The following ATP11C variants were observed in gnomAD, a reference collection of about 807,000 sequenced individuals.
ATP11C encodes ATPase phospholipid transporting 11C (ATP11C blood group), also known as phospholipid-transporting ATPase IG.
ATP11C carries 36 observed loss-of-function variants against 97.4 expected under a neutral mutation model. The observed-to-expected ratio is 0.37, with a 90% CI of 0.28 to 0.49. ATP11C has a LOEUF of 0.49. ATP11C is among the 20% of genes least tolerant of loss of function. ATP11C has a pLI of 0.98. For missense variants in ATP11C, 730 were observed against 824.6 expected (o/e 0.89, Z 1.40); for synonymous variants, 275 against 290.9 (o/e 0.95, Z 0.56).
At chrX:139,798,217 C>G in intron 10 of ATP11C, 56 bp downstream of exon 10, 1 of 1,034,069 alleles carries the variant, frequency 9.7e-7, no homozygotes. Context: ...TTGGAATTAC[C>G]AAGAAAGTAA....
At chrX:139,742,908 T>C (rs1425544887) in intron 26 of ATP11C, among the ~76,000 whole-genome samples, 1 of 77,756 alleles carries the variant, frequency 1.3e-5, no homozygotes, top group African/African-American at 5.0e-5. Context: ...TATATATATA[T>C]ATATAAAAAT....
At chrX:139,917,336 G>A (rs1219559851) in intron 1 of ATP11C, among the ~76,000 whole-genome samples, 5 of 111,777 alleles carry the variant, frequency 4.5e-5, no homozygotes, top group African/African-American at 1.6e-4. Context: ...CAAATGATGA[G>A]ACTACATCAA....
At chrX:139,749,692 A>G (rs1021002695) in intron 24 of ATP11C, among the ~76,000 whole-genome samples, 2 of 112,288 alleles carry the variant, frequency 1.8e-5, no homozygotes, top group East Asian at 5.6e-4. Flanking sequence ...ATTCTAAACT[A>G]CAGAAGATCT....
At chrX:139,871,112 T>C (rs760092370) in intron 1 of ATP11C, among the ~76,000 whole-genome samples, 2 of 108,071 alleles carry the variant, frequency 1.9e-5, no homozygotes, top group African/African-American at 6.7e-5. Flanking sequence ...TATGTGTGTG[T>C]GTGTACTTAG....
intron 1 of ATP11C, chrX:139,924,038 T>G: frequency 3.2e-6 from 1 of 315,971 alleles, no homozygotes. Context: ...CCAAAAGGTA[T>G]AGAATGGGAT....
intron 28 of ATP11C, among the ~76,000 whole-genome samples, chrX:139,735,632 A>G (rs1194663469): frequency 1.8e-5 from 2 of 111,954 alleles, no homozygotes; most frequent in African/African-American, 3.2e-5. Context: ...TTATCTTAGA[A>G]GTTGGCCTCC....
intron 1 of ATP11C, among the ~76,000 whole-genome samples, chrX:139,863,529 C>T (rs2084235790): frequency 9.1e-6 from 1 of 110,223 alleles, no homozygotes; most frequent in Non-Finnish European, 1.9e-5. Context: ...GGAGACTCTG[C>T]CTCAAAATTA....
At chrX:139,790,130 A>G (rs748632694) in intron 12 of ATP11C, among the ~76,000 whole-genome samples, 1 of 110,976 alleles carries the variant, frequency 9.0e-6, no homozygotes, top group East Asian at 2.8e-4. Context: ...CTCAGGCTGG[A>G]ATGCAGTAGC....
chrX:139,728,997 T>C, intron 29 of ATP11C, 35 bp from the exon 30 acceptor site: 1 of 1,038,756 alleles, frequency 9.6e-7, no homozygotes, highest in Non-Finnish European at 1.3e-6. Context: ...TTAAAAGGCT[T>C]ATTTTAATAA....
chrX:139,881,302 G>A (rs1441006341), intron 1 of ATP11C, among the ~76,000 whole-genome samples: 2 of 111,360 alleles, frequency 1.8e-5, no homozygotes, highest in East Asian at 5.6e-4. Flanking sequence ...CTTGGGCCTG[G>A]GCTAAAAGGA....
At chrX:139,900,985 T>C (rs1420453518) in intron 1 of ATP11C, among the ~76,000 whole-genome samples, 2 of 111,957 alleles carry the variant, frequency 1.8e-5, no homozygotes, top group Non-Finnish European at 3.8e-5. Flanking sequence ...CCATCCTGTT[T>C]GGAAGGCTGC....
chrX:139,861,573 C>A (rs2084196508), intron 1 of ATP11C, among the ~76,000 whole-genome samples: 1 of 110,790 alleles, frequency 9.0e-6, no homozygotes, highest in African/African-American at 3.3e-5. Context: ...TATTAATTTC[C>A]CCATTTTACA....
intron 1 of ATP11C, among the ~76,000 whole-genome samples, chrX:139,855,087 CTAATA>C (rs1324456470): frequency 9.0e-6 from 1 of 111,572 alleles, no homozygotes; most frequent in Non-Finnish European, 1.9e-5. Context: ...TAATAACACA[CTAATA>C]TAAAGGTGAA....
In ATP11C at chrX:139,860,437, T is replaced by C. The variant is rs1217558634; in HGVS notation, c.28-33614A>G. Among the ~76,000 whole-genome samples the C allele has an allele frequency of 8.0e-5, 9 of 112,324 alleles. No homozygotes were observed. The East Asian group carries it at 2.2e-3, about 28-fold the overall frequency. On this transcript the variant is annotated intron_variant, in intron 1 of 29. Transcript: ENST00000682941. Reference sequence around the variant, plus strand: ...GAAGAAAAGCACGGATATCTAATTTTACAAAGCAGAATATTTTCAAATGCC... The same window carrying C: ...GAAGAAAAGCACGGATATCTAATTTCACAAAGCAGAATATTTTCAAATGCC...
At chrX:139,935,861 G>A (rs950249324), upstream of ATP11C, among the ~76,000 whole-genome samples, 1 of 110,862 alleles carries the variant, frequency 9.0e-6, no homozygotes, top group Admixed American at 9.6e-5. Flanking sequence ...GTGGTGGCAC[G>A]CACCTGTAAT....
intron 1 of ATP11C, among the ~76,000 whole-genome samples, chrX:139,877,607 C>T (rs17282039): frequency 0.05 from 5,602 of 111,725 alleles, 241 homozygotes; most frequent in East Asian, 0.29. Context: ...AATTGACTTG[C>T]GTCCCAGTGC....
chrX:139,743,350 C>T (rs1046928570), intron 26 of ATP11C, among the ~76,000 whole-genome samples: 1 of 110,165 alleles, frequency 9.1e-6, no homozygotes, highest in East Asian at 2.9e-4. Context: ...AAGAGGATTA[C>T]GATATACTGG....
Position 139,728,807 on chromosome X carries a change from T to C in ATP11C, c.*159A>G. ...ATTTGGTATTTTAATGAACATTTATTGTGAACTCTAGACATGAGAGTGGTT... is the reference window on the plus strand; with the variant it reads ...ATTTGGTATTTTAATGAACATTTATCGTGAACTCTAGACATGAGAGTGGTT... On this transcript the variant is annotated 3_prime_UTR_variant, in exon 30 of 30. Transcript: ENST00000682941. The C allele has an allele frequency of 1.6e-6, 1 of 623,831 alleles. No individual in the cohort carries two copies. Among genetic ancestry groups the C allele is most frequent in the Non-Finnish European group, 2.5e-6 (1 of 397,046 alleles). The allele number at this position is 623,831 out of a possible 1,213,427, so 51.4% of individuals were successfully genotyped here. A position where few individuals can be genotyped will look rare whatever the true frequency, so the allele number is the denominator to read the frequency against.
intron 12 of ATP11C, among the ~76,000 whole-genome samples, chrX:139,793,426 C>T (rs1471771650): frequency 9.2e-6 from 1 of 108,524 alleles, no homozygotes; most frequent in African/African-American, 3.3e-5. Flanking sequence ...AATATAATTT[C>T]TAAAAAAAGA....
Sources: gnomAD v4.1 joint callset for allele counts (sites outside exome capture counted in the v4.1 genomes callset) on GRCh38, gnomAD v4.1.1 for gene constraint, MANE v1.5 for transcripts, NCBI Gene and HGNC (gene_info 2026-07-23, HGNC 2026-07-21) for gene names.